The following SPATA16 variants were observed in gnomAD, a reference collection of about 807,000 sequenced individuals.
SPATA16 encodes the protein spermatogenesis-associated protein 16.
Under a neutral mutation model 63.3 loss-of-function variants are expected in SPATA16, and 36 were observed. That is an observed-to-expected ratio of 0.57 (90% CI 0.44 to 0.75). The LOEUF (loss-of-function observed/expected upper bound fraction) is 0.75. SPATA16 is among the 30% of genes least tolerant of loss of function. The pLI, the probability that SPATA16 is intolerant of heterozygous loss-of-function variation, is 0.00. For synonymous variants in SPATA16, 203 were observed against 216.7 expected (o/e 0.94, Z 0.56); for missense variants, 646 against 679.3 (o/e 0.95, Z 0.54).
chr3:173,103,373 C>G (rs1171771360), intron 2 of SPATA16, among the ~76,000 whole-genome samples: 1 of 152,250 alleles, frequency 6.6e-6, no homozygotes, highest in African/African-American at 2.4e-5. Flanking sequence ...TGTGGGGGCT[C>G]TGTCCCTGCA....
chr3:173,035,859 G>C (rs1735704771), intron 3 of SPATA16, among the ~76,000 whole-genome samples: 1 of 151,906 alleles, frequency 6.6e-6, no homozygotes, highest in South Asian at 2.1e-4. Flanking sequence ...AAGCATGGTA[G>C]GGAAAACAGC....
intron 3 of SPATA16, among the ~76,000 whole-genome samples, chr3:173,023,157 G>A (rs906597887): frequency 5.3e-5 from 8 of 151,726 alleles, no homozygotes; most frequent in Non-Finnish European, 1.0e-4. Flanking sequence ...GTGTGTGTGT[G>A]TGTGTGTGTG....
At chr3:172,968,621 T>A (rs536000465) in intron 5 of SPATA16, among the ~76,000 whole-genome samples, 2 of 152,258 alleles carry the variant, frequency 1.3e-5, no homozygotes, top group East Asian at 3.9e-4. Context: ...CCCCCTTTCT[T>A]CCCTTTCTTT....
At chr3:173,010,958 A>C (rs1424952247) in intron 4 of SPATA16, among the ~76,000 whole-genome samples, 2 of 152,040 alleles carry the variant, frequency 1.3e-5, no homozygotes, top group African/African-American at 4.8e-5. Context: ...CCTACCAACC[A>C]AAAAAAGACC....
At chr3:173,072,234 T>TA in intron 2 of SPATA16, among the ~76,000 whole-genome samples, 1 of 152,146 alleles carries the variant, frequency 6.6e-6, no homozygotes. Flanking sequence ...AATGCAGTCA[T>TA]AAAAAAGAAC....
At chr3:173,024,132 C>T (rs918549673) in intron 3 of SPATA16, among the ~76,000 whole-genome samples, 2 of 151,372 alleles carry the variant, frequency 1.3e-5, no homozygotes, top group South Asian at 2.1e-4. Context: ...TTTCCAAACT[C>T]TTATTGATAG....
intron 2 of SPATA16, among the ~76,000 whole-genome samples, chr3:173,081,231 A>G (rs1301876207): frequency 2.6e-5 from 4 of 152,226 alleles, no homozygotes; most frequent in Admixed American, 2.6e-4. Flanking sequence ...TTCATACTCA[A>G]ATTAAAAATG....
At chr3:172,919,689 T>A (rs557313791) in intron 8 of SPATA16, among the ~76,000 whole-genome samples, 26 of 152,218 alleles carry the variant, frequency 1.7e-4, no homozygotes, top group African/African-American at 5.8e-4. Context: ...CTTTATTTTT[T>A]TTTTTTGAGG....
At chr3:172,950,152 A>G (rs1421237529) in intron 6 of SPATA16, among the ~76,000 whole-genome samples, 1 of 152,188 alleles carries the variant, frequency 6.6e-6, no homozygotes, top group African/African-American at 2.4e-5. Flanking sequence ...GCTAAGCAGA[A>G]GACATTGTAG....
At chr3:173,092,341 G>T in intron 2 of SPATA16, among the ~76,000 whole-genome samples, 1 of 152,174 alleles carries the variant, frequency 6.6e-6, no homozygotes, top group East Asian at 1.9e-4. Context: ...CAGAGGCTGT[G>T]GTAGGCAGAA....
At position 172,958,787 on chromosome 3, in the gene SPATA16, GCA is replaced by G. The variant is rs66769826; in HGVS notation, c.934-1965_934-1964del. On this transcript the variant is annotated intron_variant, in intron 5 of 10. Coordinates refer to ENST00000351008, the MANE Select transcript of SPATA16 (RefSeq NM_031955.6). The stretch of plus-strand genomic sequence containing the variant: ...GTCATTCCTCTTTGTGTGTGTGCAC[GCA>G]CGTGTGTGTGTGTGTTCTAATTTCC... Among the ~76,000 whole-genome samples the G allele has an allele frequency of 1.2e-3, 179 of 152,060 alleles. 1 individual carries two copies. The highest frequency in any genetic ancestry group is 4.1e-3 in the African/African-American group (170 of 41,522).
At chr3:172,989,728 G>C (rs1051604679) in intron 4 of SPATA16, among the ~76,000 whole-genome samples, 2 of 152,148 alleles carry the variant, frequency 1.3e-5, no homozygotes, top group African/African-American at 4.8e-5. Context: ...TTCCCAGTTA[G>C]TATTCTGCCC....
chr3:173,122,957 C>T (rs1738121411), intron 1 of SPATA16, among the ~76,000 whole-genome samples: 1 of 152,134 alleles, frequency 6.6e-6, no homozygotes, highest in Admixed American at 6.5e-5. Context: ...TATATGGTAG[C>T]AATAATGGAC....
At chr3:172,930,553 C>CTTTTTTTTTTTTTTTTTTTTTTTTTT (rs34780432) in intron 6 of SPATA16, among the ~76,000 whole-genome samples, 1 of 87,366 alleles carries the variant, frequency 1.1e-5, no homozygotes, top group African/African-American at 4.5e-5. Context: ...CATTCAAACT[C>CTTTTTTTTTTTTTTTTTTTTTTTTTT]TTTTTTTTTT....
intron 6 of SPATA16, among the ~76,000 whole-genome samples, chr3:172,929,897 T>G (rs1306502246): frequency 6.6e-6 from 1 of 152,206 alleles, no homozygotes; most frequent in Non-Finnish European, 1.5e-5. Flanking sequence ...TTTTCCTTTT[T>G]CTTCACCAGC....
At chr3:173,092,409 C>T (rs1209318954) in intron 2 of SPATA16, among the ~76,000 whole-genome samples, 1 of 152,130 alleles carries the variant, frequency 6.6e-6, no homozygotes, top group Non-Finnish European at 1.5e-5. Context: ...CTACGTTATG[C>T]AACATGGCAA....
intron 2 of SPATA16, among the ~76,000 whole-genome samples, chr3:173,064,016 T>C (rs1364598966): frequency 6.6e-6 from 1 of 151,932 alleles, no homozygotes; most frequent in Non-Finnish European, 1.5e-5. Flanking sequence ...ATACAGAAGA[T>C]GGAAGTGAGG....
intron 3 of SPATA16, among the ~76,000 whole-genome samples, chr3:173,048,095 G>T (rs1398312757): frequency 1.3e-5 from 2 of 152,062 alleles, no homozygotes; most frequent in East Asian, 1.9e-4. Flanking sequence ...TATTAAGAAA[G>T]CAGGAATTAT....
intron 3 of SPATA16, among the ~76,000 whole-genome samples, chr3:173,042,583 A>G (rs1279169903): frequency 1.3e-5 from 2 of 152,166 alleles, no homozygotes; most frequent in Non-Finnish European, 2.9e-5. Context: ...AATTACCTGT[A>G]TTTGTTATTG....
Sources: gnomAD v4.1 joint callset for allele counts (sites outside exome capture counted in the v4.1 genomes callset) on GRCh38, gnomAD v4.1.1 for gene constraint, MANE v1.5 for transcripts, NCBI Gene and HGNC (gene_info 2026-07-23, HGNC 2026-07-21) for gene names.